Variants in LRP10 observed in about 807,000 individuals in gnomAD.
LRP10 encodes the protein LDL receptor related protein 10.
A neutral mutation model predicts 58.5 loss-of-function variants in LRP10; 42 were observed. The ratio of observed to expected loss-of-function variants is 0.72; its 90% confidence interval spans 0.56 to 0.93. The LOEUF (loss-of-function observed/expected upper bound fraction) is 0.93. Among genes scored for constraint, LRP10 ranks in the 40% least tolerant of loss-of-function variants. LRP10 has a pLI of 0.00. For missense variants in LRP10, 872 were observed against 940.1 expected (o/e 0.93, Z 0.95); for synonymous variants, 377 against 388.5 (o/e 0.97, Z 0.35).
At position 22,880,539 on chromosome 14, in the gene LRP10, GTC is replaced by G. The variant is rs1237248282; in HGVS notation, c.*3016_*3017del. On this transcript the variant is annotated 3_prime_UTR_variant, in exon 7 of 7. Coordinates refer to ENST00000359591, the MANE Select transcript of LRP10 (RefSeq NM_014045.5). The stretch of plus-strand genomic sequence containing the variant: ...AGCCTGGGCAACATGATGAAACCCT[GTC>G]TCTACCAAAAATACTAAAAATTAGC... 1 of 151,638 alleles carries G rather than the reference GTC, an allele frequency of 6.6e-6. No homozygotes were observed. Among genetic ancestry groups the G allele is most frequent in the Non-Finnish European group, 1.5e-5 (1 of 67,974 alleles). The allele number at this position is 151,638 out of a possible 1,614,324, so 9.4% of individuals were successfully genotyped here. A position where few individuals can be genotyped will look rare whatever the true frequency, so the allele number is the denominator to read the frequency against.
In LRP10 at chr14:22,872,196, C is replaced by A. The variant is rs1314254610; in HGVS notation, c.-108C>A. The A allele has an allele frequency of 1.7e-6, 2 of 1,174,126 alleles. No homozygotes were observed. The highest frequency in any genetic ancestry group is 2.6e-6 in the Non-Finnish European group (2 of 781,320). The allele number at this position is 1,174,126 out of a possible 1,614,324, so 72.7% of individuals were successfully genotyped here. A position where few individuals can be genotyped will look rare whatever the true frequency, so the allele number is the denominator to read the frequency against. The stretch of plus-strand genomic sequence containing the variant: ...GGTCGAGCCCGGGCCATGGAGCCCC[C>A]CTGGGGAGGCGGCACCAGGGAGCCT... On this transcript the variant is annotated 5_prime_UTR_variant, in exon 1 of 7. Coordinates refer to ENST00000359591, the MANE Select transcript of LRP10 (RefSeq NM_014045.5).
At position 22,875,602 on chromosome 14, in the gene LRP10, G is replaced by C. The variant is rs199766168; in HGVS notation, c.654G>C (p.Gln218His). ...YTHLASVSHP[Q>H]SCHWLLDPHD... ...ACCTAGCCTCAGTCTCCCACCCCCA[G>C]TCCTGCCATTGGCTGCTGGACCCCC... Residue 218 changes from glutamine to histidine, a missense_variant, in exon 5 of 7, where the codon CAG (glutamine) becomes CAC (histidine). Transcript: ENST00000359591. 8.1e-6 allele frequency: 13 copies of C among 1,614,184 alleles called. No homozygotes were observed. In the East Asian group the frequency reaches 2.9e-4, roughly 36 times the overall value.
intron 2 of LRP10, 59 bp downstream of exon 2, chr14:22,872,841 G>A: frequency 6.4e-7 from 1 of 1,551,114 alleles, no homozygotes; most frequent in South Asian, 1.1e-5. Flanking sequence ...CAGTCGAGAA[G>A]GACTCTCTGT....
In LRP10 at chr14:22,872,209, C is replaced by T. The variant is rs914228957; in HGVS notation, c.-95C>T. ...CCATGGAGCCCCCCTGGGGAGGCGG[C>T]ACCAGGGAGCCTGGGCGCCCGGGGC... On this transcript the variant is annotated 5_prime_UTR_variant, in exon 1 of 7. Coordinates refer to ENST00000359591, the MANE Select transcript of LRP10 (RefSeq NM_014045.5). 7 of 1,322,922 alleles carry T rather than the reference C, an allele frequency of 5.3e-6. No homozygotes were observed. Among genetic ancestry groups the T allele is most frequent in the Non-Finnish European group, 7.6e-6 (7 of 915,664 alleles). The allele number at this position is 1,322,922 out of a possible 1,614,324, so 81.9% of individuals were successfully genotyped here.
Position 22,875,166 on chromosome 14 carries a change from G to C in LRP10, c.327G>C (p.Gly109=), listed in dbSNP as rs1379511377. Residue 109 remains glycine (G), a synonymous_variant, in exon 4 of 7, where the codon GGG becomes GGC. Transcript: ENST00000359591. ...EAPPSPLQLP[G]GNVTITYSYA... is the part of the protein sequence containing the mutation. ...CTCCCAGCCCTCTGCAGCTGCCCGG[G>C]GGCAACGTCACCATCACTTACAGCT... 6.2e-7 allele frequency: 1 copy of C among 1,613,642 alleles called. No homozygotes were observed. The highest frequency in any genetic ancestry group is 1.1e-5 in the South Asian group (1 of 90,986).
At chr14:22,873,018 G>C in intron 2 of LRP10, 2 of 604,160 alleles carry the variant, frequency 3.3e-6, no homozygotes, top group Non-Finnish European at 5.8e-6. Flanking sequence ...CCAGGATGTA[G>C]TCTCCCTGAG....
At position 22,876,988 on chromosome 14, in the gene LRP10, G is replaced by T. The variant is rs1317817235; in HGVS notation, c.1603G>T (p.Asp535Tyr). 1.2e-6 allele frequency: 2 copies of T among 1,606,892 alleles called. No individual in the cohort carries two copies. The highest frequency in any genetic ancestry group is 1.3e-5 in the African/African-American group (1 of 74,770). Residue 535 changes from aspartate to tyrosine, a missense_variant, in exon 7 of 7, where the codon GAT becomes TAT. Asp to Tyr is a radical substitution (Grantham distance 160). Transcript: ENST00000359591. ...TTCTCTGCTACAGATCTTACGCCAG[G>T]ATATGACTCCAGGAGGTGGCCCAGG... is the stretch of plus-strand genomic sequence containing the variant. ...LRSLLQILRQ[D>Y]MTPGGGPGAR...
chr14:22,877,011 A>C lies in LRP10; in HGVS notation c.1626A>C (p.Pro542=). The change falls in exon 7 of 7, where the codon CCA becomes CCC. Residue 542 remains proline, a synonymous_variant. Transcript: ENST00000359591. This position sits in a 1 kb window ranked among gnomAD's most constrained non-coding sequence, Gnocchi z 5.1. ...AGGATATGACTCCAGGAGGTGGCCC[A>C]GGTGCCCGCCGTCGTCAGCGGGGCC... ...LRQDMTPGGG[P]GARRRQRGRL... is the part of the protein sequence containing the mutation. 1 of 1,611,774 alleles carries C rather than the reference A, an allele frequency of 6.2e-7. No homozygotes were observed. Among genetic ancestry groups the C allele is most frequent in the Non-Finnish European group, 8.5e-7 (1 of 1,178,948 alleles).
At chr14:22,873,172 C>T (rs998594195) in intron 2 of LRP10, 139 bp from the exon 3 acceptor site, 5 of 992,128 alleles carry the variant, frequency 5.0e-6, no homozygotes, top group South Asian at 4.8e-5. Flanking sequence ...TAACTCTAGG[C>T]TGTGTGTGGG....
At chr14:22,872,635 T>C in intron 1 of LRP10, 103 bp from the exon 2 acceptor site, 2 of 1,171,350 alleles carry the variant, frequency 1.7e-6, no homozygotes, top group South Asian at 2.6e-5. Flanking sequence ...CTCTTCCGAT[T>C]AACTGCCCGG....
In LRP10 at chr14:22,875,486, C is replaced by T. The variant is rs760311829; in HGVS notation, c.538C>T (p.Pro180Ser). Residue 180 changes from proline to serine, a missense_variant, in exon 5 of 7, where the codon CCT becomes TCT. Pro to Ser is a moderately conservative substitution (Grantham distance 74, BLOSUM62 -1). Coordinates refer to ENST00000359591, the MANE Select transcript of LRP10 (RefSeq NM_014045.5). ...DEAGCSSDPF[P>S]GLTPRPVPSL... is the part of the protein sequence containing the mutation. Reference sequence around the variant, plus strand: ...AGCAGGTTGCAGCTCAGACCCCTTCCCTGGCCTGACCCCAAGACCCGTCCC... The same window carrying T: ...AGCAGGTTGCAGCTCAGACCCCTTCTCTGGCCTGACCCCAAGACCCGTCCC... 3.1e-6 allele frequency: 5 copies of T among 1,614,232 alleles called. No individual in the cohort carries two copies. In the East Asian group the frequency reaches 8.9e-5, roughly 29 times the overall value.
rs748879596 is a variant in LRP10, at chr14:22,872,755, C to T, written c.52C>T (p.Pro18Ser). 4.2e-5 allele frequency: 67 copies of T among 1,614,020 alleles called. No homozygotes were observed. In the South Asian group the frequency reaches 7.2e-4, roughly 17 times the overall value. The change falls in exon 2 of 7, where the codon CCA (proline) becomes TCA (serine). Residue 18 changes from proline to serine, a missense_variant. By Grantham distance (74) the Pro-to-Ser change is moderately conservative. Transcript: ENST00000359591. ...TCCTCTAGGAGGCGCTCTGGCCCAT[C>T]CAGACCGGATTATTTTTCCAAATCA... ...LLLLGGALAH[P>S]DRIIFPNHAC...
rs1352342454 is a variant in LRP10 at position 22,873,292 on chromosome 14, C to T, written c.80-19C>T. ...CAAAGGGGCTGTCTACTACCCGTGTCCTACCTTCCTCTCTCCAGCTTGTGA... is the reference window on the plus strand; with the variant it reads ...CAAAGGGGCTGTCTACTACCCGTGTTCTACCTTCCTCTCTCCAGCTTGTGA... On this transcript the variant is annotated intron_variant, in intron 2 of 6. Transcript: ENST00000359591. The T allele has an allele frequency of 1.9e-6, 3 of 1,608,144 alleles. No individual in the cohort carries two copies. The highest frequency in any genetic ancestry group is 2.6e-6 in the Non-Finnish European group (3 of 1,175,662).
chr14:22,877,496 C>G lies in LRP10; in HGVS notation c.2111C>G (p.Ala704Gly), dbSNP rs757491591. The change falls in exon 7 of 7, where the codon GCT (alanine) becomes GGT (glycine). Residue 704 changes from alanine to glycine, a missense_variant. Ala to Gly is a moderately conservative substitution (Grantham distance 60). Coordinates refer to ENST00000359591, the MANE Select transcript of LRP10 (RefSeq NM_014045.5). This position sits in a 1 kb window ranked among gnomAD's most constrained non-coding sequence, Gnocchi z 5.1. ...CTGGCTGAGCCGGGGGTGTGGGTAGCTGAGGCAGAGGATGAGCCACTGCTT... is the reference window on the plus strand; with the variant it reads ...CTGGCTGAGCCGGGGGTGTGGGTAGGTGAGGCAGAGGATGAGCCACTGCTT... ...VPLAEPGVWV[A>G]EAEDEPLLT The G allele has an allele frequency of 4.4e-6, 7 of 1,608,866 alleles. No individual in the cohort carries two copies. The East Asian group carries it at 1.6e-4, about 36-fold the overall frequency.
chr14:22,873,349 G>T lies in LRP10; in HGVS notation c.118G>T (p.Gly40Cys). Residue 40 changes from glycine to cysteine, a missense_variant, in exon 3 of 7, where the codon GGC (glycine) becomes TGC (cysteine). Coordinates refer to ENST00000359591, the MANE Select transcript of LRP10 (RefSeq NM_014045.5). Reference sequence around the variant, plus strand: ...CCCAGCAGTGCTCTTAGAAGTGCAGGGCACCTTACAGAGGCCCCTGGTCCG... The same window carrying T: ...CCCAGCAGTGCTCTTAGAAGTGCAGTGCACCTTACAGAGGCCCCTGGTCCG... ...DPPAVLLEVQ[G>C]TLQRPLVRDS... 1 of 1,614,038 alleles carries T rather than the reference G, an allele frequency of 6.2e-7. No homozygotes were observed. Among genetic ancestry groups the T allele is most frequent in the South Asian group, 1.1e-5 (1 of 91,080 alleles).
Position 22,879,016 on chromosome 14 carries a change from G to C in LRP10, c.*1489G>C. ...AACGGACCCAGTCCCTGGGGAAAGA[G>C]GCTCCCCTCAGGCTCTCCTTGTCTA... On this transcript the variant is annotated 3_prime_UTR_variant, in exon 7 of 7. Coordinates refer to ENST00000359591, the MANE Select transcript of LRP10 (RefSeq NM_014045.5). 3.2e-6 allele frequency: 1 copy of C among 315,566 alleles called. No homozygotes were observed. Among genetic ancestry groups the C allele is most frequent in the Non-Finnish European group, 6.7e-6 (1 of 149,794 alleles). 19.5% of individuals were successfully genotyped at this position (315,566 alleles called of 1,614,324 possible). A position where few individuals can be genotyped will look rare whatever the true frequency, so the allele number is the denominator to read the frequency against.
intron 3 of LRP10, among the ~76,000 whole-genome samples, chr14:22,873,853 T>C (rs1428992806): frequency 1.3e-5 from 2 of 152,222 alleles, no homozygotes; most frequent in African/African-American, 4.8e-5. Context: ...CTCTATGGAA[T>C]TTCCATCCTT....
chr14:22,877,315 C>T lies in LRP10; in HGVS notation c.1930C>T (p.Leu644=), dbSNP rs781167214. 1 of 1,611,936 alleles carries T rather than the reference C, an allele frequency of 6.2e-7. No homozygotes were observed. The highest frequency in any genetic ancestry group is 8.5e-7 in the Non-Finnish European group (1 of 1,178,900). ...VPEAPGPLPS[L]PLEPSLLSGV... The stretch of plus-strand genomic sequence containing the variant: ...TGAAGCCCCAGGGCCACTGCCCTCA[C>T]TGCCCCTAGAGCCATCACTATTGTC... Residue 644 remains leucine (L), a synonymous_variant, in exon 7 of 7, where the codon CTG becomes TTG. Transcript: ENST00000359591. The surrounding 1 kb of genome is among the most constrained non-coding windows in gnomAD (Gnocchi z 5.1).
chr14:22,872,988 T>A (rs1159351431), intron 2 of LRP10: 1 of 623,472 alleles, frequency 1.6e-6, no homozygotes, highest in Non-Finnish European at 2.8e-6. Flanking sequence ...TCTGGGAATA[T>A]CTATGCTTGA....
Sources: allele counts gnomAD v4.1 joint callset (sites outside exome capture counted in the v4.1 genomes callset), GRCh38; gene constraint gnomAD v4.1.1; non-coding constraint Gnocchi (gnomAD v3.1); transcripts MANE v1.5; gene names NCBI Gene and HGNC (gene_info 2026-07-23, HGNC 2026-07-21).